The following RABGAP1L variants were observed in gnomAD, a reference collection of about 807,000 sequenced individuals.
RABGAP1L encodes rab GTPase-activating protein 1-like.
RABGAP1L carries 63 observed loss-of-function variants against 137.7 expected under a neutral mutation model. The observed-to-expected ratio is 0.46, with a 90% confidence interval of 0.37 to 0.56. The LOEUF (loss-of-function observed/expected upper bound fraction) is 0.56, where lower values mean the gene tolerates loss of function less well. Ranked by LOEUF, RABGAP1L falls within the 20% of genes least tolerant of loss-of-function variation. The pLI is 0.00. For synonymous variants in RABGAP1L, 431 were observed against 433.7 expected (o/e 0.99, Z 0.08); for missense variants, 1,095 against 1,244.0 (o/e 0.88, Z 1.80).
chr1:174,180,338 T>A (rs1430555629), intron 1 of RABGAP1L, among the ~76,000 whole-genome samples: 1 of 152,216 alleles, frequency 6.6e-6, no homozygotes, highest in Non-Finnish European at 1.5e-5. Context: ...CTTTATATGT[T>A]CTTGAGGTCT....
chr1:174,386,485 G>A (rs946113141), intron 12 of RABGAP1L, among the ~76,000 whole-genome samples: 1 of 151,672 alleles, frequency 6.6e-6, no homozygotes, highest in African/African-American at 2.4e-5. Flanking sequence ...GTGTGTGTGT[G>A]TGTGTGTTTG....
At chr1:174,825,248 A>G (rs1323001226) in intron 19 of RABGAP1L, among the ~76,000 whole-genome samples, 2 of 152,194 alleles carry the variant, frequency 1.3e-5, no homozygotes, top group Non-Finnish European at 2.9e-5. Flanking sequence ...AAACGACATA[A>G]AGAGGTGGTA....
At chr1:174,238,343 C>T (rs1671411022) in intron 4 of RABGAP1L, among the ~76,000 whole-genome samples, 2 of 152,272 alleles carry the variant, frequency 1.3e-5, no homozygotes, top group African/African-American at 4.8e-5. Flanking sequence ...AGGAGAGACG[C>T]TCTGCGTTTT....
chr1:174,619,631 T>G (rs1452557571), intron 13 of RABGAP1L, among the ~76,000 whole-genome samples: 5 of 152,132 alleles, frequency 3.3e-5, no homozygotes, highest in Admixed American at 2.6e-4. Flanking sequence ...AAAGAGCTCC[T>G]GAAGGAAGCG....
chr1:174,259,834 T>C (rs1322696480), intron 7 of RABGAP1L, among the ~76,000 whole-genome samples: 2 of 143,140 alleles, frequency 1.4e-5, no homozygotes, highest in Non-Finnish European at 3.2e-5. Flanking sequence ...TTATTATTAC[T>C]GCATTTTTTT....
chr1:174,911,136 AT>A (rs1277936408), intron 19 of RABGAP1L, among the ~76,000 whole-genome samples: 1 of 151,982 alleles, frequency 6.6e-6, no homozygotes, highest in Non-Finnish European at 1.5e-5. Flanking sequence ...CTATTTTTAA[AT>A]TTTTTTATTT....
At chr1:174,766,107 G>C (rs1011795552) in intron 18 of RABGAP1L, among the ~76,000 whole-genome samples, 39 of 152,136 alleles carry the variant, frequency 2.6e-4, no homozygotes, top group Admixed American at 2.1e-3. Flanking sequence ...GACATGTATG[G>C]AGAGAAGATC....
In RABGAP1L at chr1:174,775,632, A is replaced by C. The variant is rs114100547; in HGVS notation, c.2211+23278A>C. 8.8e-3 allele frequency among the ~76,000 whole-genome samples: 1,342 copies of C among 152,148 alleles called. 5 individuals carry two copies. Among genetic ancestry groups the C allele is most frequent in the Non-Finnish European group, 0.014 (972 of 67,978 alleles). On this transcript the variant is annotated intron_variant, in intron 18 of 25. Coordinates refer to ENST00000681986, the MANE Select transcript of RABGAP1L (RefSeq NM_001366446.1). ...CTGGCCGGGAGAAAACTTTTTAAGA[A>C]AACAATCAGCAGTCTATATAGTCTA...
At chr1:174,815,196 G>A (rs1690269751) in intron 19 of RABGAP1L, among the ~76,000 whole-genome samples, 1 of 152,182 alleles carries the variant, frequency 6.6e-6, no homozygotes, top group Non-Finnish European at 1.5e-5. Context: ...ATGACGAGGT[G>A]TTACAATGAA....
intron 19 of RABGAP1L, among the ~76,000 whole-genome samples, chr1:174,821,444 C>G (rs1184982565): frequency 1.3e-5 from 2 of 152,176 alleles, no homozygotes; most frequent in African/African-American, 2.4e-5. Context: ...GGACTATTTT[C>G]TACTCTCCCA....
chr1:174,978,816 G>A lies in RABGAP1L; in HGVS notation c.2659G>A (p.Val887Ile). The A allele has an allele frequency of 1.3e-6, 2 of 1,534,088 alleles. No individual in the cohort carries two copies. The highest frequency in any genetic ancestry group is 1.8e-6 in the Non-Finnish European group (2 of 1,142,304). ...QEEETAQLKE[V>I]FRKQLEKAEY... ...ATTCTATTCTTTCTAGCTAAAAGAA[G>A]TCTTCAGGAAACAGCTAGAGAAGGC... The change falls in exon 23 of 26, where the codon GTC (valine) becomes ATC (isoleucine). Residue 887 changes from valine (V) to isoleucine (I), a missense_variant. Physicochemically the swap from Val to Ile is conservative, Grantham distance 29 (BLOSUM62 3). This residue lies in a region of RABGAP1L where 312 missense variants were observed against 435.6 expected (regional missense o/e 0.72). Transcript: ENST00000681986.
chr1:174,633,946 G>T (rs1226598895), intron 13 of RABGAP1L, among the ~76,000 whole-genome samples: 5 of 94,658 alleles, frequency 5.3e-5, no homozygotes, highest in African/African-American at 3.1e-4. Context: ...AGAAAACCTA[G>T]GCATTACCAT....
intron 7 of RABGAP1L, 58 bp downstream of exon 7, chr1:174,252,648 A>C: frequency 1.9e-6 from 3 of 1,571,750 alleles, no homozygotes; most frequent in South Asian, 2.4e-5. Context: ...TTACTGTCTC[A>C]GATGCATTGC....
At chr1:174,344,079 T>G (rs1207352517) in intron 11 of RABGAP1L, among the ~76,000 whole-genome samples, 1 of 152,198 alleles carries the variant, frequency 6.6e-6, no homozygotes. Flanking sequence ...GTAAGACATC[T>G]TAATCATGTT....
At chr1:174,263,733 A>G (rs896907423) in intron 7 of RABGAP1L, among the ~76,000 whole-genome samples, 1 of 151,452 alleles carries the variant, frequency 6.6e-6, no homozygotes, top group Admixed American at 6.6e-5. Flanking sequence ...AACGGGGAGT[A>G]GGGAGCTAAA....
chr1:174,608,797 G>A (rs1039762302), intron 13 of RABGAP1L, among the ~76,000 whole-genome samples: 2 of 152,072 alleles, frequency 1.3e-5, no homozygotes, highest in African/African-American at 4.8e-5. Flanking sequence ...CTGATTGAAG[G>A]GCAGAAAGTT....
In RABGAP1L at chr1:174,993,992, T is replaced by C. The variant is rs558494876; in HGVS notation, c.*3991T>C. 4 of 152,172 alleles carry C rather than the reference T, an allele frequency of 2.6e-5. No individual in the cohort carries two copies. Among genetic ancestry groups the C allele is most frequent in the Admixed American group, 6.5e-5 (1 of 15,278 alleles). 9.4% of individuals were successfully genotyped at this position (152,172 alleles called of 1,614,324 possible). A position where few individuals can be genotyped will look rare whatever the true frequency, so the allele number is the denominator to read the frequency against. The stretch of plus-strand genomic sequence containing the variant: ...TGGGTACCACACAACCAAATACACA[T>C]TGAGATTTCAAGAAATGATGATGAA... On this transcript the variant is annotated 3_prime_UTR_variant, in exon 26 of 26. Transcript: ENST00000681986.
chr1:174,937,632 A>ATATATATATATATATATATATATC (rs1190513202), intron 19 of RABGAP1L, among the ~76,000 whole-genome samples: 3 of 128,598 alleles, frequency 2.3e-5, no homozygotes, highest in African/African-American at 3.3e-5. Context: ...ATATATATAT[A>ATATATATATATATATATATATATC]TATCTTGCAG....
At chr1:174,690,774 CA>C (rs1199208647) in intron 15 of RABGAP1L, among the ~76,000 whole-genome samples, 1 of 145,046 alleles carries the variant, frequency 6.9e-6, no homozygotes, top group Non-Finnish European at 1.5e-5. Flanking sequence ...AATATGTAAA[CA>C]AAAAATGAAG....
Sources: allele counts gnomAD v4.1 joint callset (sites outside exome capture counted in the v4.1 genomes callset), GRCh38; gene constraint gnomAD v4.1.1; regional missense constraint gnomAD v4.1.1; transcripts MANE v1.5; gene names NCBI Gene and HGNC (gene_info 2026-07-23, HGNC 2026-07-21).